The following SEL1L2 variants were observed in gnomAD, a reference collection of about 807,000 sequenced individuals.
The protein encoded by SEL1L2 is SEL1L2 adaptor subunit of SYVN1 ubiquitin ligase.
A neutral mutation model predicts 98.8 loss-of-function variants in SEL1L2; 89 were observed. The ratio of observed to expected loss-of-function variants is 0.90; its 90% CI spans 0.76 to 1.07. SEL1L2 has a LOEUF of 1.07. Among genes scored for constraint, SEL1L2 ranks in the 50% least tolerant of loss-of-function variants. The pLI, the probability that SEL1L2 is intolerant of heterozygous loss-of-function variation, is 0.00. For synonymous variants in SEL1L2, 262 were observed against 278.5 expected (o/e 0.94, Z 0.59); for missense variants, 788 against 812.0 (o/e 0.97, Z 0.36).
At chr20:13,850,599 GAAGGAATTTGGACAGCCAAT>G (rs1470890151) in intron 18 of SEL1L2, among the ~76,000 whole-genome samples, 1 of 152,174 alleles carries the variant, frequency 6.6e-6, no homozygotes, top group Non-Finnish European at 1.5e-5. Context: ...CATGGAATGA[GAAGGAATTTGGACAGCCAAT>G]AAGGAAACAA....
intron 18 of SEL1L2, among the ~76,000 whole-genome samples, chr20:13,855,073 A>T (rs1246304120): frequency 2.0e-5 from 3 of 148,582 alleles, no homozygotes; most frequent in Non-Finnish European, 3.0e-5. Context: ...AAAAAAAAAA[A>T]ATCTGGGGTT....
chr20:13,873,957 C>T (rs1031785625), intron 12 of SEL1L2, among the ~76,000 whole-genome samples: 10 of 152,154 alleles, frequency 6.6e-5, no homozygotes, highest in Admixed American at 1.3e-4. Flanking sequence ...CAGGAGTGAA[C>T]GCAGGGTAAG....
At chr20:13,944,937 G>A (rs1376307092) in intron 2 of SEL1L2, among the ~76,000 whole-genome samples, 4 of 152,146 alleles carry the variant, frequency 2.6e-5, no homozygotes, top group Non-Finnish European at 5.9e-5. Flanking sequence ...AGATGTTCAG[G>A]TTTGCTGGGA....
At position 13,853,560 on chromosome 20, in the gene SEL1L2, T is replaced by C. The variant is rs1318797087; in HGVS notation, c.1819-3241A>G. Among the ~76,000 whole-genome samples, 6 of 152,276 alleles carry C rather than the reference T, an allele frequency of 3.9e-5. No homozygotes were observed. In the East Asian group the frequency reaches 1.2e-3, roughly 29 times the overall value. On this transcript the variant is annotated intron_variant, in intron 18 of 19. Coordinates refer to ENST00000284951, the MANE Select transcript of SEL1L2 (RefSeq NM_025229.2). ...GTTGCAGAGTATATTGTAATAATGG[T>C]TAATATGTATTAAATACTTACTGTG...
intron 2 of SEL1L2, among the ~76,000 whole-genome samples, chr20:13,936,605 C>G (rs958914641): frequency 3.3e-5 from 5 of 152,138 alleles, no homozygotes; most frequent in African/African-American, 9.7e-5. Flanking sequence ...GATTACATCC[C>G]CAACCAATCA....
chr20:13,878,938 A>G (rs866267602), intron 10 of SEL1L2, among the ~76,000 whole-genome samples: 1 of 152,360 alleles, frequency 6.6e-6, no homozygotes, highest in Non-Finnish European at 1.5e-5. Flanking sequence ...GGAATAGAAT[A>G]AAAGACATTG....
At chr20:13,989,449 T>C (rs760196113) in intron 1 of SEL1L2, among the ~76,000 whole-genome samples, 22 of 152,244 alleles carry the variant, frequency 1.4e-4, no homozygotes, top group Non-Finnish European at 4.4e-5. Context: ...CCAAGCTTGA[T>C]ATCTTCTACT....
At chr20:13,942,455 C>G (rs1338799177) in intron 2 of SEL1L2, among the ~76,000 whole-genome samples, 1 of 152,134 alleles carries the variant, frequency 6.6e-6, no homozygotes, top group South Asian at 2.1e-4. Context: ...AAATTATCTG[C>G]TCCACCTGAG....
intron 2 of SEL1L2, among the ~76,000 whole-genome samples, chr20:13,934,685 T>G (rs114546817): frequency 0.023 from 3,456 of 151,432 alleles, 143 homozygotes; most frequent in African/African-American, 0.077. Context: ...TTAAGGAATC[T>G]TCACACTGTT....
chr20:13,912,539 C>T (rs754036567), intron 5 of SEL1L2, among the ~76,000 whole-genome samples: 7 of 152,102 alleles, frequency 4.6e-5, no homozygotes, highest in African/African-American at 1.4e-4. Context: ...TCAAGTGATC[C>T]GCCCACCTTG....
chr20:13,861,402 T>G (rs2147782720), intron 17 of SEL1L2, among the ~76,000 whole-genome samples: 1 of 151,934 alleles, frequency 6.6e-6, no homozygotes, highest in Non-Finnish European at 1.5e-5. Flanking sequence ...CAATTCAGCC[T>G]CCCAAAGTGC....
At chr20:13,893,335 C>T (rs1399945689) in intron 5 of SEL1L2, among the ~76,000 whole-genome samples, 1 of 152,080 alleles carries the variant, frequency 6.6e-6, no homozygotes, top group African/African-American at 2.4e-5. Flanking sequence ...TTAACACAGG[C>T]AAATGGTAAC....
rs1292309309 is a variant in SEL1L2 at position 13,983,087 on chromosome 20, A to G, written c.58+7390T>C. ...TGATAGAGTGAAGAGAGAAAAAAAC[A>G]CATGATTAGTTTAACATGATTAGTT... On this transcript the variant is annotated intron_variant, in intron 1 of 19. Transcript: ENST00000284951. 4.7e-5 allele frequency among the ~76,000 whole-genome samples: 7 copies of G among 149,328 alleles called. No individual in the cohort carries two copies. In the Admixed American group the frequency reaches 4.7e-4, roughly 10 times the overall value.
At chr20:13,920,420 A>G (rs2048605164) in intron 3 of SEL1L2, among the ~76,000 whole-genome samples, 1 of 152,140 alleles carries the variant, frequency 6.6e-6, no homozygotes, top group South Asian at 2.1e-4. Flanking sequence ...ATATTTTCCA[A>G]ACGTTTATGT....
chr20:13,869,435 T>C (rs1054880489), intron 14 of SEL1L2, 68 bp downstream of exon 14: 56 of 1,175,782 alleles, frequency 4.8e-5, no homozygotes, highest in Non-Finnish European at 7.0e-5. Flanking sequence ...TGATGTTTGT[T>C]ATAAAAGAAG....
At chr20:13,891,976 G>C (rs2047224542) in intron 5 of SEL1L2, among the ~76,000 whole-genome samples, 1 of 151,760 alleles carries the variant, frequency 6.6e-6, no homozygotes, top group Non-Finnish European at 1.5e-5. Context: ...AATCAATTCT[G>C]GTATACAATT....
At chr20:13,988,260 A>G (rs890207015) in intron 1 of SEL1L2, among the ~76,000 whole-genome samples, 10 of 152,152 alleles carry the variant, frequency 6.6e-5, no homozygotes, top group African/African-American at 2.4e-4. Flanking sequence ...CTGGTCTTAA[A>G]GTCCTGGCCT....
intron 3 of SEL1L2, among the ~76,000 whole-genome samples, chr20:13,921,585 C>T (rs1391871628): frequency 3.3e-5 from 5 of 152,008 alleles, no homozygotes; most frequent in Non-Finnish European, 5.9e-5. Flanking sequence ...ATATGACTCA[C>T]CTAATGGGAA....
intron 12 of SEL1L2, among the ~76,000 whole-genome samples, chr20:13,873,582 G>A (rs993137162): frequency 2.0e-5 from 3 of 151,692 alleles, no homozygotes; most frequent in Non-Finnish European, 2.9e-5. Flanking sequence ...GGATGGTCTC[G>A]ATCTCTTGAC....
Sources: allele counts gnomAD v4.1 joint callset (sites outside exome capture counted in the v4.1 genomes callset), GRCh38; gene constraint gnomAD v4.1.1; transcripts MANE v1.5; gene names NCBI Gene and HGNC (gene_info 2026-07-23, HGNC 2026-07-21).